Variants in NMU observed in about 807,000 individuals in gnomAD.
NMU encodes neuromedin-U.
In NMU, 29 loss-of-function variants were observed where a neutral mutation model predicts 35.4. That is an observed-to-expected ratio of 0.82 (90% CI 0.61 to 1.12). The LOEUF is 1.12. Ranked by LOEUF, NMU falls within the 50% of genes most tolerant of loss-of-function variation. NMU has a pLI of 0.00. For missense variants in NMU, 199 were observed against 206.2 expected, an observed-to-expected ratio of 0.97 and a Z score of 0.21; for synonymous variants, 78 against 81.3, an observed-to-expected ratio of 0.96 and a Z score of 0.22.
At chr4:55,596,667 AAC>A (rs1407396966) in intron 9 of NMU, among the ~76,000 whole-genome samples, 3 of 152,136 alleles carry the variant, frequency 2.0e-5, no homozygotes, top group African/African-American at 7.2e-5. Flanking sequence ...GTTAATACCA[AAC>A]ACAGTCTGCA....
Position 55,636,185 on chromosome 4 carries a change from C to T in NMU, c.8G>A (p.Arg3Gln). Residue 3 changes from arginine to glutamine, a missense_variant, in exon 1 of 10, where the codon CGA becomes CAA. Physicochemically the swap from Arg to Gln is conservative, Grantham distance 43. Transcript: ENST00000264218. This position sits in a 1 kb window ranked among gnomAD's most constrained non-coding sequence, Gnocchi z 4.0. The part of the protein sequence containing the change: ML[R>Q]TESCRPRSPA... ...CGACCTGGGGCGGCAGCTCTCTGTTCGCAGCATCTCGGCGGCTGCGGGAGG... is the reference window on the plus strand; with the variant it reads ...CGACCTGGGGCGGCAGCTCTCTGTTTGCAGCATCTCGGCGGCTGCGGGAGG... 6.7e-7 allele frequency: 1 copy of T among 1,495,194 alleles called. No individual in the cohort carries two copies. The highest frequency in any genetic ancestry group is 1.4e-5 in the African/African-American group (1 of 69,668). The allele number at this position is 1,495,194 out of a possible 1,614,324, so 92.6% of individuals were successfully genotyped here. A position where few individuals can be genotyped will look rare whatever the true frequency, so the allele number is the denominator to read the frequency against.
intron 7 of NMU, among the ~76,000 whole-genome samples, chr4:55,603,000 C>CT (rs370331964): frequency 3.5e-4 from 53 of 151,832 alleles, no homozygotes; most frequent in African/African-American, 1.2e-3. Context: ...AACTCAACTT[C>CT]TTTTTTTTCT....
chr4:55,600,478 AT>A, intron 8 of NMU, 43 bp downstream of exon 8: 1 of 1,261,978 alleles, frequency 7.9e-7, no homozygotes, highest in East Asian at 2.3e-5. Flanking sequence ...ATATTTTTAA[AT>A]TTTGGTGTAG....
chr4:55,636,457 C>G, upstream of NMU: 1 of 433,322 alleles, frequency 2.3e-6, no homozygotes, highest in Non-Finnish European at 4.0e-6. This position sits in a 1 kb window ranked among gnomAD's most constrained non-coding sequence, Gnocchi z 4.0. Context: ...AGGACCCGAG[C>G]CCCCTAGCCT....
chr4:55,616,761 T>A (rs1734121440), intron 2 of NMU, among the ~76,000 whole-genome samples: 1 of 152,190 alleles, frequency 6.6e-6, no homozygotes, highest in Admixed American at 6.5e-5. Context: ...ATATGGTTCT[T>A]TATGACACAT....
chr4:55,633,908 G>A (rs1198353402), intron 1 of NMU, among the ~76,000 whole-genome samples: 1 of 152,206 alleles, frequency 6.6e-6, no homozygotes, highest in Non-Finnish European at 1.5e-5. Context: ...TATTCAAAAT[G>A]TGTTCCTCTT....
At position 55,607,444 on chromosome 4, in the gene NMU, GTAT is replaced by G; in HGVS notation, c.299_301del (p.Asn100del). The G allele has an allele frequency of 9.6e-7, 1 of 1,036,370 alleles. No homozygotes were observed. Among genetic ancestry groups the G allele is most frequent in the Non-Finnish European group, 1.5e-6 (1 of 676,206 alleles). The allele number at this position is 1,036,370 out of a possible 1,614,324, so 64.2% of individuals were successfully genotyped here. A position where few individuals can be genotyped will look rare whatever the true frequency, so the allele number is the denominator to read the frequency against. ...GTATGAAAATCATCTTACCCTTTTA[GTAT>G]TATCTTTTTCATCTTGTTCCTATTG... On this transcript the variant is annotated inframe_deletion, in exon 5 of 10. Transcript: ENST00000264218.
At chr4:55,608,042 G>C (rs1210952465) in intron 4 of NMU, among the ~76,000 whole-genome samples, 1 of 152,018 alleles carries the variant, frequency 6.6e-6, no homozygotes, top group Non-Finnish European at 1.5e-5. Flanking sequence ...GCCTGGTGGG[G>C]CGAGCGCCTG....
chr4:55,613,973 T>C (rs1304514076), intron 3 of NMU, among the ~76,000 whole-genome samples: 1 of 152,236 alleles, frequency 6.6e-6, no homozygotes, highest in Non-Finnish European at 1.5e-5. Flanking sequence ...ATTCCTAATT[T>C]ATTAATATTA....
At chr4:55,600,947 G>T (rs1027972589) in intron 7 of NMU, among the ~76,000 whole-genome samples, 1 of 152,050 alleles carries the variant, frequency 6.6e-6, no homozygotes, top group African/African-American at 2.4e-5. Flanking sequence ...AATACATATT[G>T]CATGTGTTAA....
At chr4:55,636,334 G>C, upstream of NMU, 2 of 1,243,320 alleles carry the variant, frequency 1.6e-6, no homozygotes, top group Non-Finnish European at 1.0e-6. This position sits in a 1 kb window ranked among gnomAD's most constrained non-coding sequence, Gnocchi z 4.0. Flanking sequence ...TAAATCTCGC[G>C]CACAAGTGGG....
rs1258986050 is a variant in NMU at position 55,595,643 on chromosome 4, A to ATAT, written c.*5-233_*5-232insATA. ...TGTGTGTATATATATATATATATAT[A>ATAT]TTTTTTTTTTTTTTTGAGACAGAGT... On this transcript the variant is annotated intron_variant, in intron 9 of 9. Coordinates refer to ENST00000264218, the MANE Select transcript of NMU (RefSeq NM_006681.4). 9.2e-3 allele frequency among the ~76,000 whole-genome samples: 608 copies of ATAT among 66,332 alleles called. 4 individuals are homozygous for ATAT. The highest frequency in any genetic ancestry group is 0.036 in the African/African-American group (581 of 15,930). The allele number at this position is 66,332 out of a possible 152,430, so 43.5% of individuals were successfully genotyped here. A position where few individuals can be genotyped will look rare whatever the true frequency, so the allele number is the denominator to read the frequency against.
chr4:55,614,244 T>A (rs1734034673), intron 3 of NMU, among the ~76,000 whole-genome samples: 1 of 152,198 alleles, frequency 6.6e-6, no homozygotes, highest in Non-Finnish European at 1.5e-5. Context: ...CCCTTCCACA[T>A]AACCATTATC....
chr4:55,597,650 G>A (rs1733244209), intron 9 of NMU, among the ~76,000 whole-genome samples: 1 of 152,156 alleles, frequency 6.6e-6, no homozygotes, highest in Non-Finnish European at 1.5e-5. Flanking sequence ...ACAGGCGTGA[G>A]CCACCGTGCC....
intron 7 of NMU, among the ~76,000 whole-genome samples, chr4:55,600,964 A>G (rs1453261970): frequency 6.6e-6 from 1 of 152,152 alleles, no homozygotes; most frequent in Non-Finnish European, 1.5e-5. Flanking sequence ...TTAACCCATG[A>G]ACAGGGGAAA....
At position 55,618,564 on chromosome 4, in the gene NMU, CCTTT is replaced by C. The variant is rs546822849; in HGVS notation, c.172-2183_172-2180del. Among the ~76,000 whole-genome samples, 44 of 152,174 alleles carry C rather than the reference CCTTT, an allele frequency of 2.9e-4. No individual in the cohort carries two copies. The East Asian group carries it at 6.6e-3, about 23-fold the overall frequency. On this transcript the variant is annotated intron_variant, in intron 2 of 9. Transcript: ENST00000264218. ...CTATATGTTCCTAGCATCTTAACTT[CCTTT>C]CTTTCTTTTCTTTCTTTCTTGTCTT...
intron 3 of NMU, among the ~76,000 whole-genome samples, chr4:55,609,445 A>G (rs1339046720): frequency 1.3e-5 from 2 of 152,120 alleles, no homozygotes; most frequent in Non-Finnish European, 2.9e-5. Context: ...TGTGATCTAG[A>G]TACATAGTTC....
intron 2 of NMU, among the ~76,000 whole-genome samples, chr4:55,618,543 A>C (rs777914500): frequency 1.1e-4 from 16 of 152,088 alleles, no homozygotes; most frequent in Non-Finnish European, 2.1e-4. Flanking sequence ...AATTAACTAT[A>C]TGTTCCTAGC....
At chr4:55,600,699 G>A in intron 7 of NMU, 124 bp from the exon 8 acceptor site, 2 of 717,508 alleles carry the variant, frequency 2.8e-6, no homozygotes. Context: ...GAGGGAATCA[G>A]GGACTTGAAT....
Sources: allele counts gnomAD v4.1 joint callset (sites outside exome capture counted in the v4.1 genomes callset), GRCh38; gene constraint gnomAD v4.1.1; non-coding constraint Gnocchi (gnomAD v3.1); transcripts MANE v1.5; gene names NCBI Gene and HGNC (gene_info 2026-07-23, HGNC 2026-07-21).